ARMC5: variants seen among roughly 807,000 people sequenced by gnomAD.
ARMC5 encodes armadillo repeat containing 5.
Under a neutral mutation model 60.5 loss-of-function variants are expected in ARMC5, and 28 were observed. The observed-to-expected ratio is 0.46, with a 90% CI of 0.34 to 0.63. The LOEUF is 0.63. Ranked by LOEUF, ARMC5 falls within the 30% of genes least tolerant of loss-of-function variation. The pLI, the probability that ARMC5 is intolerant of heterozygous loss-of-function variation, is 0.01. For synonymous variants in ARMC5, 680 were observed against 607.3 expected (o/e 1.12, Z -1.76); for missense variants, 1,189 against 1,304.9 (o/e 0.91, Z 1.37).
chr16:31,464,490 C>G lies in ARMC5; in HGVS notation c.1467C>G (p.Ala489=). 6.2e-7 allele frequency: 1 copy of G among 1,606,672 alleles called. No homozygotes were observed. Among genetic ancestry groups the G allele is most frequent in the Non-Finnish European group, 8.5e-7 (1 of 1,177,138 alleles). ...EQCPPEPMEP[A]SPAPTPTSLR... is the part of the protein sequence containing the mutation. Reference sequence around the variant, plus strand: ...GTCCGCCGGAGCCCATGGAGCCGGCCAGCCCCGCCCCGACCCCGACCTCGC... The same window carrying G: ...GTCCGCCGGAGCCCATGGAGCCGGCGAGCCCCGCCCCGACCCCGACCTCGC... The change falls in exon 4 of 6, where the codon GCC becomes GCG. Residue 489 remains alanine, a synonymous_variant. Transcript: ENST00000268314. The surrounding 1 kb of genome is among the most constrained non-coding windows in gnomAD (Gnocchi z 7.6).
In ARMC5 at chr16:31,466,832, G is replaced by C; in HGVS notation, c.2751G>C (p.Thr917=). 1 of 1,594,238 alleles carries C rather than the reference G, an allele frequency of 6.3e-7. No homozygotes were observed. Among genetic ancestry groups the C allele is most frequent in the Non-Finnish European group, 8.5e-7 (1 of 1,171,382 alleles). Residue 917 remains threonine, a synonymous_variant, in exon 6 of 6, where the codon ACG becomes ACC. Transcript: ENST00000268314. The surrounding 1 kb of genome is among the most constrained non-coding windows in gnomAD (Gnocchi z 8.0). Reference sequence around the variant, plus strand: ...CAGGTGAAGAGGCAGGGCCCCTGACGGAGGCTTTGCTGGCTGTGGTGATGG... The same window carrying C: ...CAGGTGAAGAGGCAGGGCCCCTGACCGAGGCTTTGCTGGCTGTGGTGATGG... The part of the protein sequence containing the change: ...EAAGEEAGPL[T]EALLAVVMGI...
intron 4 of ARMC5, 92 bp from the exon 5 acceptor site, chr16:31,465,758 C>A: frequency 3.8e-6 from 6 of 1,572,800 alleles, no homozygotes; most frequent in Non-Finnish European, 5.1e-6. Flanking sequence ...AGAGGTTTCA[C>A]CCTCCTTCAT....
At chr16:31,460,522 T>C (rs2082295365) in intron 1 of ARMC5, among the ~76,000 whole-genome samples, 1 of 152,204 alleles carries the variant, frequency 6.6e-6, no homozygotes, top group Non-Finnish European at 1.5e-5. Context: ...AGTACAAATA[T>C]GGCACGAATA....
Position 31,462,507 on chromosome 16 carries a change from T to C in ARMC5, c.960T>C (p.Asn320=), listed in dbSNP as rs370120343. ...AQGLIRPALG[N]AGGVEVLVDE... ...GCCTGATTCGGCCTGCACTGGGCAA[T>C]GCTGGTGGCGTGGAGGTGCTGGTAG... Residue 320 remains asparagine (N), a synonymous_variant, in exon 3 of 6, where the codon AAT becomes AAC. Coordinates refer to ENST00000268314, the MANE Select transcript of ARMC5 (RefSeq NM_001105247.2). The surrounding 1 kb of genome is among the most constrained non-coding windows in gnomAD (Gnocchi z 7.2). 1 of 1,611,746 alleles carries C rather than the reference T, an allele frequency of 6.2e-7. No individual in the cohort carries two copies. Among genetic ancestry groups the C allele is most frequent in the Non-Finnish European group, 8.5e-7 (1 of 1,179,886 alleles).
chr16:31,459,233 G>A, upstream of ARMC5: 3 of 1,532,300 alleles, frequency 2.0e-6, no homozygotes, highest in Non-Finnish European at 1.7e-6. Flanking sequence ...CCACCTGGAG[G>A]GCCCTGGAAG....
intron 3 of ARMC5, among the ~76,000 whole-genome samples, chr16:31,463,837 G>C (rs913431393): frequency 1.3e-5 from 2 of 152,164 alleles, no homozygotes; most frequent in East Asian, 1.9e-4. Flanking sequence ...ACTCCAGGGG[G>C]ACAGGCACTT....
At chr16:31,461,803 C>T in intron 1 of ARMC5, 119 bp from the exon 2 acceptor site, 1 of 863,964 alleles carries the variant, frequency 1.2e-6, no homozygotes, top group Non-Finnish European at 1.9e-6. Flanking sequence ...CCACGGTGCC[C>T]TGCCGACCAT....
rs1193408460 is a variant in ARMC5 at position 31,464,310 on chromosome 16, A to G, written c.1371-84A>G. ...ATTTCTTTAAAAAAAAAAAAAAAAA[A>G]AAAAAAGACGCCTCACGCCTCTTGG... On this transcript the variant is annotated intron_variant, in intron 3 of 5. Coordinates refer to ENST00000268314, the MANE Select transcript of ARMC5 (RefSeq NM_001105247.2). The surrounding 1 kb of genome is among the most constrained non-coding windows in gnomAD (Gnocchi z 7.6). 3.7e-6 allele frequency: 4 copies of G among 1,068,530 alleles called. No homozygotes were observed. The highest frequency in any genetic ancestry group is 3.0e-4 in the Middle Eastern group (1 of 3,384). The allele number at this position is 1,068,530 out of a possible 1,614,324, so 66.2% of individuals were successfully genotyped here.
At chr16:31,458,497 C>T, upstream of ARMC5, 1 of 1,535,724 alleles carries the variant, frequency 6.5e-7, no homozygotes, top group East Asian at 2.4e-5. Flanking sequence ...ATAACCCGGA[C>T]AACGGTAAGG....
chr16:31,459,265 T>C (rs894527215), upstream of ARMC5: 2 of 1,533,596 alleles, frequency 1.3e-6, no homozygotes, highest in Middle Eastern at 1.8e-4. Context: ...CTTCCCGAGG[T>C]AGGCGTGAGA....
At position 31,459,727 on chromosome 16, in the gene ARMC5, GC is replaced by G; in HGVS notation, c.208del (p.Leu70TyrfsTer67). 1.3e-6 allele frequency: 2 copies of G among 1,555,918 alleles called. No individual in the cohort carries two copies. Among genetic ancestry groups the G allele is most frequent in the Non-Finnish European group, 1.7e-6 (2 of 1,161,950 alleles). ...CGCTTCCGGGCACGCGGCGGGCTCC[GC>G]CCCCTACTCGCGCTGCTACGGCGAG... is the stretch of plus-strand genomic sequence containing the variant. The part of the protein sequence containing the change: ...IERFRARGGL[R>X]PLLALLRRAA... On this transcript the variant is annotated frameshift_variant, in exon 1 of 6. Transcript: ENST00000268314. LOFTEE classifies it high-confidence loss of function.
At chr16:31,459,125 T>C (rs1373792876), upstream of ARMC5, 6 of 1,488,818 alleles carry the variant, frequency 4.0e-6, no homozygotes, top group East Asian at 1.5e-4. Context: ...GAAGCGAGCC[T>C]AGAGGAGAAA....
upstream of ARMC5, chr16:31,458,886 A>G (rs2142559119): frequency 2.0e-6 from 3 of 1,535,614 alleles, no homozygotes; most frequent in South Asian, 3.6e-5. Context: ...GCACGTCCAG[A>G]GCGGAGGACA....
chr16:31,465,310 G>T, intron 4 of ARMC5: 2 of 1,448,292 alleles, frequency 1.4e-6, no homozygotes, highest in Non-Finnish European at 9.1e-7. Flanking sequence ...GCTTCATGGC[G>T]TTACTGCTAG....
Position 31,466,278 on chromosome 16 carries a change from C to T in ARMC5, c.2197C>T (p.Pro733Ser), listed in dbSNP as rs2082358078. The T allele has an allele frequency of 6.2e-7, 1 of 1,613,980 alleles. No individual in the cohort carries two copies. The highest frequency in any genetic ancestry group is 8.5e-7 in the Non-Finnish European group (1 of 1,179,892). Residue 733 changes from proline to serine, a missense_variant, in exon 6 of 6, where the codon CCT becomes TCT. Pro to Ser is a moderately conservative substitution (Grantham distance 74, BLOSUM62 -1). Coordinates refer to ENST00000268314, the MANE Select transcript of ARMC5 (RefSeq NM_001105247.2). The surrounding 1 kb of genome is among the most constrained non-coding windows in gnomAD (Gnocchi z 8.0). ...CCCCATGGACCTAGACTCACCTTCC[C>T]CTTGCCTCTATGAACCTCTGCTGGG... ...AVPMDLDSPS[P>S]CLYEPLLGPA...
Position 31,459,925 on chromosome 16 carries a change from G to A in ARMC5, c.401G>A (p.Ser134Asn). Residue 134 changes from serine (S) to asparagine (N), a missense_variant, in exon 1 of 6, where the codon AGC becomes AAC. Ser to Asn is a conservative substitution (Grantham distance 46). This residue lies in a region of ARMC5 where 327 missense variants were observed against 233.7 expected (regional missense o/e 1.40). Transcript: ENST00000268314. ...CGCAAGACGCTGGACTTGGCGCTCA[G>A]CATCCTAGCCGATTGCTGTACGGAA... is the stretch of plus-strand genomic sequence containing the variant. Reference protein sequence around the residue: ...RLRKTLDLALSILADCCTEGA... With the variant: ...RLRKTLDLALNILADCCTEGA... 6.2e-7 allele frequency: 1 copy of A among 1,605,688 alleles called. No homozygotes were observed. Among genetic ancestry groups the A allele is most frequent in the Non-Finnish European group, 8.5e-7 (1 of 1,179,720 alleles).
Position 31,466,253 on chromosome 16 carries a change from C to A in ARMC5, c.2172C>A (p.Val724=), listed in dbSNP as rs759575674. ...TGAGCCCAGCTGTCCCACAGGCAGT[C>A]CCCATGGACCTAGACTCACCTTCCC... ...PTVSPAVPQA[V]PMDLDSPSPC... The change falls in exon 6 of 6, where the codon GTC becomes GTA. Residue 724 remains valine (V), a synonymous_variant. Transcript: ENST00000268314. The surrounding 1 kb of genome is among the most constrained non-coding windows in gnomAD (Gnocchi z 8.0). 3.1e-6 allele frequency: 5 copies of A among 1,613,878 alleles called. No homozygotes were observed. The highest frequency in any genetic ancestry group is 4.2e-6 in the Non-Finnish European group (5 of 1,179,892).
At position 31,465,157 on chromosome 16, in the gene ARMC5, C is replaced by T. The variant is rs377587666; in HGVS notation, c.1864+270C>T. 9.9e-6 allele frequency: 16 copies of T among 1,611,120 alleles called. No individual in the cohort carries two copies. In the African/African-American group the frequency reaches 1.6e-4, roughly 16 times the overall value. Reference sequence around the variant, plus strand: ...CCCCGCGCCCAGGATCTGGGCTGGTCTGTGCTTCTTTCCTGGCTCTGCCAT... The same window carrying T: ...CCCCGCGCCCAGGATCTGGGCTGGTTTGTGCTTCTTTCCTGGCTCTGCCAT... On this transcript the variant is annotated intron_variant, in intron 4 of 5. Coordinates refer to ENST00000268314, the MANE Select transcript of ARMC5 (RefSeq NM_001105247.2).
chr16:31,462,311 C>T lies in ARMC5; in HGVS notation c.764C>T (p.Thr255Ile). 2.5e-6 allele frequency: 4 copies of T among 1,610,582 alleles called. No individual in the cohort carries two copies. Among genetic ancestry groups the T allele is most frequent in the Non-Finnish European group, 2.5e-6 (3 of 1,179,934 alleles). Residue 255 changes from threonine (T) to isoleucine (I), a missense_variant, in exon 3 of 6, where the codon ACC becomes ATC. Physicochemically the swap from Thr to Ile is moderately conservative, Grantham distance 89. This residue lies in a region of ARMC5 where 862 missense variants were observed against 1,071.2 expected (regional missense o/e 0.80). Transcript: ENST00000268314. The surrounding 1 kb of genome is among the most constrained non-coding windows in gnomAD (Gnocchi z 7.2). Reference sequence around the variant, plus strand: ...GCCACTGCCCCAGATGCTGCACTGACCTTAGCCCTCGTCCGTGCCCTCCTG... The same window carrying T: ...GCCACTGCCCCAGATGCTGCACTGATCTTAGCCCTCGTCCGTGCCCTCCTG... ...LLATAPDAAL[T>I]LALVRALLEL...
Sources: allele counts gnomAD v4.1 joint callset (sites outside exome capture counted in the v4.1 genomes callset), GRCh38; gene constraint gnomAD v4.1.1; regional missense constraint gnomAD v4.1.1; non-coding constraint Gnocchi (gnomAD v3.1); transcripts MANE v1.5; gene names NCBI Gene and HGNC (gene_info 2026-07-23, HGNC 2026-07-21).